SNX25: variants seen among roughly 807,000 people sequenced by gnomAD.
SNX25 encodes sorting nexin 25.
In SNX25, 62 loss-of-function variants were observed where a neutral mutation model predicts 113.7. The observed-to-expected ratio is 0.55, with a 90% CI of 0.44 to 0.67. The LOEUF (loss-of-function observed/expected upper bound fraction) is 0.67. SNX25 is among the 30% of genes least tolerant of loss of function. SNX25 has a pLI of 0.00. For missense variants in SNX25, 1,014 were observed against 1,161.0 expected (o/e 0.87, Z 1.84); for synonymous variants, 421 against 436.2 (o/e 0.97, Z 0.43).
chr4:185,325,033 A>G (rs1223197723), intron 9 of SNX25, among the ~76,000 whole-genome samples: 1 of 152,230 alleles, frequency 6.6e-6, no homozygotes, highest in Non-Finnish European at 1.5e-5. Context: ...GAATGGGATC[A>G]CCAATGCTAT....
intron 6 of SNX25, among the ~76,000 whole-genome samples, chr4:185,289,703 C>T (rs1292223178): frequency 6.6e-6 from 1 of 152,182 alleles, no homozygotes; most frequent in Admixed American, 6.5e-5. Flanking sequence ...ACTGTTCTTG[C>T]AGAGAAGATG....
In SNX25 at chr4:185,305,814, T is replaced by A. The variant is rs1384977102; in HGVS notation, c.1163-4821T>A. Among the ~76,000 whole-genome samples the A allele has an allele frequency of 9.8e-5, 15 of 152,296 alleles. No individual in the cohort carries two copies. The East Asian group carries it at 2.7e-3, about 27-fold the overall frequency. Reference sequence around the variant, plus strand: ...AACAGTAAATATTTGAACTAATTGCTTTGGAATATTATAGGTTAGTGCGAA... The same window carrying A: ...AACAGTAAATATTTGAACTAATTGCATTGGAATATTATAGGTTAGTGCGAA... On this transcript the variant is annotated intron_variant, in intron 6 of 18. Transcript: ENST00000652585.
intron 16 of SNX25, among the ~76,000 whole-genome samples, chr4:185,359,816 G>A (rs913137752): frequency 6.6e-6 from 1 of 152,120 alleles, no homozygotes; most frequent in East Asian, 1.9e-4. Context: ...TAAAATGAGC[G>A]GCTGCATGTT....
chr4:185,284,050 G>A (rs1751011444), intron 5 of SNX25, among the ~76,000 whole-genome samples: 1 of 152,130 alleles, frequency 6.6e-6, no homozygotes, highest in Non-Finnish European at 1.5e-5. Flanking sequence ...TGTTAATTTA[G>A]CTCATTAATA....
chr4:185,264,440 A>T lies in SNX25; in HGVS notation c.734A>T (p.His245Leu). The change falls in exon 4 of 19, where the codon CAT becomes CTT. Residue 245 changes from histidine (H) to leucine (L), a missense_variant and splice_region_variant. His to Leu is a moderately conservative substitution (Grantham distance 99, BLOSUM62 -3). Coordinates refer to ENST00000652585, the MANE Select transcript of SNX25 (RefSeq NM_001378034.2). ...TCTTTTTCACTCTCTTTATTTAGAC[A>T]TGAAGAACAGCCAAGACCTTTTGTG... ...FCDLKAANAR[H>L]EEQPRPFVLH... The T allele has an allele frequency of 5.6e-6, 9 of 1,612,360 alleles. No homozygotes were observed. Among genetic ancestry groups the T allele is most frequent in the Non-Finnish European group, 6.8e-6 (8 of 1,179,614 alleles).
intron 13 of SNX25, among the ~76,000 whole-genome samples, chr4:185,350,210 T>C (rs1470083367): frequency 6.6e-6 from 1 of 152,204 alleles, no homozygotes; most frequent in African/African-American, 2.4e-5. Flanking sequence ...GGGAGGGTCA[T>C]AGCGTTCGTC....
chr4:185,315,621 A>C (rs1052412651), intron 7 of SNX25, among the ~76,000 whole-genome samples: 2 of 152,176 alleles, frequency 1.3e-5, no homozygotes, highest in Non-Finnish European at 2.9e-5. Context: ...AAAACATGTA[A>C]GGAAGAGATA....
At chr4:185,245,793 G>T (rs1307156708) in intron 1 of SNX25, among the ~76,000 whole-genome samples, 1 of 152,098 alleles carries the variant, frequency 6.6e-6, no homozygotes, top group African/African-American at 2.4e-5. Flanking sequence ...TTCCATGAAG[G>T]TATATATGTA....
chr4:185,224,439 ATATATAAATAT>A (rs1740535670), intron 1 of SNX25, among the ~76,000 whole-genome samples: 1 of 66,052 alleles, frequency 1.5e-5, no homozygotes, highest in African/African-American at 6.0e-5. Context: ...AAATATATAG[ATATATAAATAT>A]ATATATAGAT....
chr4:185,264,326 T>C, intron 3 of SNX25, 112 bp from the exon 4 acceptor site: 1 of 1,008,568 alleles, frequency 9.9e-7, no homozygotes, highest in Non-Finnish European at 1.4e-6. Flanking sequence ...ATTTAGGAGA[T>C]GGCAGTTACT....
intron 15 of SNX25, among the ~76,000 whole-genome samples, chr4:185,356,736 C>T (rs1307193495): frequency 6.6e-6 from 1 of 152,158 alleles, no homozygotes; most frequent in African/African-American, 2.4e-5. Flanking sequence ...GGTACAAGAG[C>T]CCCGAACTCT....
At chr4:185,289,035 A>G (rs1219773620) in intron 6 of SNX25, among the ~76,000 whole-genome samples, 1 of 152,192 alleles carries the variant, frequency 6.6e-6, no homozygotes, top group Non-Finnish European at 1.5e-5. Context: ...GGGGACTTGG[A>G]CCTGGACTTG....
chr4:185,355,023 C>T (rs567237883), intron 15 of SNX25, among the ~76,000 whole-genome samples: 1 of 152,346 alleles, frequency 6.6e-6, no homozygotes, highest in South Asian at 2.1e-4. Context: ...GTTGGTCTTA[C>T]ATAGGAAATG....
intron 6 of SNX25, among the ~76,000 whole-genome samples, chr4:185,298,846 T>C (rs536519402): frequency 2.0e-5 from 3 of 152,282 alleles, no homozygotes; most frequent in South Asian, 2.1e-4. Context: ...CCCTGGATCC[T>C]GGATAAACAA....
chr4:185,342,904 T>A (rs11930308), intron 12 of SNX25, among the ~76,000 whole-genome samples: 2,025 of 152,214 alleles, frequency 0.013, 52 homozygotes, highest in African/African-American at 0.046. Flanking sequence ...ATATATATAT[T>A]TTTTGAGACG....
intron 5 of SNX25, among the ~76,000 whole-genome samples, chr4:185,270,646 A>C (rs1748791268): frequency 6.6e-6 from 1 of 152,144 alleles, no homozygotes; most frequent in South Asian, 2.1e-4. Flanking sequence ...TCATCACCCC[A>C]AAAAGAAACC....
At chr4:185,224,280 A>G (rs62347760) in intron 1 of SNX25, among the ~76,000 whole-genome samples, 98,462 of 150,596 alleles carry the variant, frequency 0.65, 32,311 homozygotes, top group East Asian at 0.76. Flanking sequence ...GAACCCAGGA[A>G]GCAGAGGTTG....
chr4:185,361,782 A>C lies in SNX25; in HGVS notation c.2652-142A>C, dbSNP rs967937504. On this transcript the variant is annotated intron_variant, in intron 16 of 18. Coordinates refer to ENST00000652585, the MANE Select transcript of SNX25 (RefSeq NM_001378034.2). ...AAATATATATAACTTTCAGAGCCAG[A>C]GTTTAAAAAATCCAATTCCTAGTTT... 2.9e-5 allele frequency: 15 copies of C among 513,296 alleles called. No homozygotes were observed. In the African/African-American group the frequency reaches 3.0e-4, roughly 10 times the overall value. The allele number at this position is 513,296 out of a possible 1,614,324, so 31.8% of individuals were successfully genotyped here. A position where few individuals can be genotyped will look rare whatever the true frequency, so the allele number is the denominator to read the frequency against.
At chr4:185,295,498 G>A (rs949245392) in intron 6 of SNX25, among the ~76,000 whole-genome samples, 3 of 148,544 alleles carry the variant, frequency 2.0e-5, no homozygotes, top group Non-Finnish European at 4.4e-5. Context: ...CACCCACGCT[G>A]AAGTGCAGTG....
Sources: allele counts gnomAD v4.1 joint callset (sites outside exome capture counted in the v4.1 genomes callset), GRCh38; gene constraint gnomAD v4.1.1; transcripts MANE v1.5; gene names NCBI Gene and HGNC (gene_info 2026-07-23, HGNC 2026-07-21).